Variants in TOMM22 observed in about 807,000 individuals in gnomAD.
The protein encoded by TOMM22 is translocase of outer mitochondrial membrane 22.
A neutral mutation model predicts 17.1 loss-of-function variants in TOMM22; 3 were observed. The observed-to-expected ratio is 0.18, with a 90% confidence interval of 0.08 to 0.45. The LOEUF (loss-of-function observed/expected upper bound fraction) is 0.45. TOMM22 is among the 20% of genes least tolerant of loss of function. The pLI, the probability that TOMM22 is intolerant of heterozygous loss-of-function variation, is 0.99. For synonymous variants in TOMM22, 91 were observed against 74.0 expected (o/e 1.23, Z -1.18); for missense variants, 159 against 179.5 (o/e 0.89, Z 0.65).
intron 1 of TOMM22, 41 bp downstream of exon 1, chr22:38,682,136 G>A: frequency 6.5e-7 from 1 of 1,541,364 alleles, no homozygotes; most frequent in Non-Finnish European, 8.8e-7. Context: ...AAGCGGGCCC[G>A]CTCGTGGGTG....
In TOMM22 at chr22:38,683,812, G is replaced by C. The variant is rs141756780; in HGVS notation, c.400G>C (p.Ala134Pro). ...AGGGCTCTCAGGAGGAATGCCAGGG[G>C]CTCTACCCTCACTTCCTGGAAAGAT... ...NTGLSGGMPG[A>P]LPSLPGKI The change falls in exon 4 of 4, where the codon GCT becomes CCT. Residue 134 changes from alanine (A) to proline (P), a missense_variant. Ala to Pro is a conservative substitution (Grantham distance 27, BLOSUM62 -1). This residue lies in a region of TOMM22 where 33 missense variants were observed against 34.7 expected (regional missense o/e 0.95). Coordinates refer to ENST00000216034, the MANE Select transcript of TOMM22 (RefSeq NM_020243.5). 2.5e-6 allele frequency: 4 copies of C among 1,613,892 alleles called. No homozygotes were observed. The highest frequency in any genetic ancestry group is 3.4e-6 in the Non-Finnish European group (4 of 1,179,996).
At chr22:38,683,141 T>TGGG in intron 3 of TOMM22, 145 bp downstream of exon 3, 6 of 21,858 alleles carry the variant, frequency 2.7e-4, no homozygotes, top group Admixed American at 5.7e-4. Context: ...TGGCCGGGGG[T>TGGG]CGGGGGGGGG....
chr22:38,682,984 G>C lies in TOMM22; in HGVS notation c.342G>C (p.Leu114=), dbSNP rs1218746808. ...EKLQMEQQQQ[L]QQRQILLGPN... Reference sequence around the variant, plus strand: ...TGCAAATGGAGCAACAGCAGCAACTGCAGCAGCGGCAGGTGAGCCCAGACC... The same window carrying C: ...TGCAAATGGAGCAACAGCAGCAACTCCAGCAGCGGCAGGTGAGCCCAGACC... The change falls in exon 3 of 4, where the codon CTG becomes CTC. Residue 114 remains leucine, a synonymous_variant. Coordinates refer to ENST00000216034, the MANE Select transcript of TOMM22 (RefSeq NM_020243.5). 6.2e-7 allele frequency: 1 copy of C among 1,613,568 alleles called. No homozygotes were observed. The highest frequency in any genetic ancestry group is 1.7e-5 in the Admixed American group (1 of 59,976).
At chr22:38,683,058 T>G (rs1045216910) in intron 3 of TOMM22, 62 bp downstream of exon 3, 87 of 1,236,914 alleles carry the variant, frequency 7.0e-5, no homozygotes, top group Non-Finnish European at 9.4e-5. Flanking sequence ...ACTAACACAT[T>G]GGTCCCCAAC....
In TOMM22 at chr22:38,682,990, G is replaced by C; in HGVS notation, c.348G>C (p.Gln116His). 1 of 1,613,672 alleles carries C rather than the reference G, an allele frequency of 6.2e-7. No individual in the cohort carries two copies. The highest frequency in any genetic ancestry group is 8.5e-7 in the Non-Finnish European group (1 of 1,179,710). Residue 116 changes from glutamine to histidine, a missense_variant, in exon 3 of 4, where the codon CAG (glutamine) becomes CAC (histidine). Around this residue, in one of 3 missense-constraint regions of TOMM22, gnomAD observed 33 missense variants for 34.7 expected, o/e 0.95. Coordinates refer to ENST00000216034, the MANE Select transcript of TOMM22 (RefSeq NM_020243.5). ...LQMEQQQQLQ[Q>H]RQILLGPNTG... is the part of the protein sequence containing the mutation. ...TGGAGCAACAGCAGCAACTGCAGCA[G>C]CGGCAGGTGAGCCCAGACCTTGGGC...
chr22:38,684,176 A>T lies in TOMM22; in HGVS notation c.*335A>T. 39 of 245,104 alleles carry T rather than the reference A, an allele frequency of 1.6e-4. No individual in the cohort carries two copies. Among genetic ancestry groups the T allele is most frequent in the Middle Eastern group, 1.4e-3 (1 of 694 alleles). The allele number at this position is 245,104 out of a possible 1,614,324, so 15.2% of individuals were successfully genotyped here. ...GTAGGAACCGATGCCAGTGGGAGGGATGTGCCCCTGACCATTAACGACTGT... is the reference window on the plus strand; with the variant it reads ...GTAGGAACCGATGCCAGTGGGAGGGTTGTGCCCCTGACCATTAACGACTGT... On this transcript the variant is annotated 3_prime_UTR_variant, in exon 4 of 4. Transcript: ENST00000216034.
Position 38,683,994 on chromosome 22 carries a change from A to C in TOMM22, c.*153A>C, listed in dbSNP as rs2092487950. On this transcript the variant is annotated 3_prime_UTR_variant, in exon 4 of 4. Coordinates refer to ENST00000216034, the MANE Select transcript of TOMM22 (RefSeq NM_020243.5). Reference sequence around the variant, plus strand: ...AATTATCCCCACATTGTCTCATGGAAAGACTCAACTTGCAACTGTGCCCTC... The same window carrying C: ...AATTATCCCCACATTGTCTCATGGACAGACTCAACTTGCAACTGTGCCCTC... The C allele has an allele frequency of 1.1e-5, 7 of 646,768 alleles. No homozygotes were observed. In the South Asian group the frequency reaches 1.2e-4, roughly 11 times the overall value. The allele number at this position is 646,768 out of a possible 1,614,324, so 40.1% of individuals were successfully genotyped here. A position where few individuals can be genotyped will look rare whatever the true frequency, so the allele number is the denominator to read the frequency against.
chr22:38,683,411 G>A (rs1051691857), intron 3 of TOMM22, among the ~76,000 whole-genome samples: 3 of 152,136 alleles, frequency 2.0e-5, no homozygotes, highest in Admixed American at 1.3e-4. Flanking sequence ...ATCTAACACT[G>A]CTGCTGATCT....
intron 1 of TOMM22, 85 bp downstream of exon 1, chr22:38,682,180 G>A (rs962509493): frequency 3.7e-5 from 55 of 1,504,870 alleles, no homozygotes; most frequent in Non-Finnish European, 4.5e-5. Context: ...GGAGCGAAGC[G>A]GCTGCTTTGG....
intron 3 of TOMM22, among the ~76,000 whole-genome samples, chr22:38,683,363 C>T (rs751083239): frequency 1.3e-5 from 2 of 152,154 alleles, no homozygotes; most frequent in Non-Finnish European, 2.9e-5. Context: ...CTAGATCCCT[C>T]GCATGCACTG....
In TOMM22 at chr22:38,682,852, T is replaced by C. The variant is rs750289205; in HGVS notation, c.237-27T>C. On this transcript the variant is annotated intron_variant, in intron 2 of 3. Transcript: ENST00000216034. The stretch of plus-strand genomic sequence containing the variant: ...CTGTTTTGTTTGCATGTCTTCATGC[T>C]CACCCTCTGGGGATTTTCCTCTGCA... 1.9e-6 allele frequency: 3 copies of C among 1,603,220 alleles called. No homozygotes were observed. The East Asian group carries it at 6.7e-5, about 36-fold the overall frequency.
chr22:38,682,023 C>T lies in TOMM22; in HGVS notation c.45C>T (p.Ser15=), dbSNP rs1569259468. The T allele has an allele frequency of 3.1e-6, 5 of 1,610,870 alleles. No individual in the cohort carries two copies. The East Asian group carries it at 6.7e-5, about 22-fold the overall frequency. The part of the protein sequence containing the change: ...VAAAGAGEPQ[S]PDELLPKGDA... ...CTGCCGGTGCAGGGGAACCCCAGTC[C>T]CCGGACGAATTGCTCCCGAAAGGCG... Residue 15 remains serine (S), a synonymous_variant, in exon 1 of 4, where the codon TCC becomes TCT. Transcript: ENST00000216034.
In TOMM22 at chr22:38,682,555, C is replaced by G. The variant is rs545853676; in HGVS notation, c.236+114C>G. On this transcript the variant is annotated intron_variant, in intron 2 of 3. Coordinates refer to ENST00000216034, the MANE Select transcript of TOMM22 (RefSeq NM_020243.5). ...TGTTGGGTGACCTTGGGCTTGTACC[C>G]TATCCTTTCTTAGTTTCCTCTTCTG... 4.9e-4 allele frequency: 441 copies of G among 894,408 alleles called. 4 individuals carry two copies. The African/African-American group carries it at 6.8e-3, about 14-fold the overall frequency. 55.4% of individuals were successfully genotyped at this position (894,408 alleles called of 1,614,324 possible). A position where few individuals can be genotyped will look rare whatever the true frequency, so the allele number is the denominator to read the frequency against.
rs962337363 is a variant in TOMM22, at chr22:38,685,103, T to G, written c.*1262T>G. On this transcript the variant is annotated 3_prime_UTR_variant, in exon 4 of 4. Coordinates refer to ENST00000216034, the MANE Select transcript of TOMM22 (RefSeq NM_020243.5). The stretch of plus-strand genomic sequence containing the variant: ...CAGCCAGAGTAAGCCTTTTGTGTGT[T>G]TATCAGATCAACCAACACTACAATC... 6.6e-6 allele frequency: 1 copy of G among 152,146 alleles called. No homozygotes were observed. 9.4% of individuals were successfully genotyped at this position (152,146 alleles called of 1,614,324 possible).
At chr22:38,683,158 G>GA (rs1377941818) in intron 3 of TOMM22, among the ~76,000 whole-genome samples, 162 bp downstream of exon 3, 1 of 149,052 alleles carries the variant, frequency 6.7e-6, no homozygotes, top group East Asian at 2.0e-4. Flanking sequence ...GGGGGTTCTG[G>GA]ATGATTCAAG....
At position 38,682,415 on chromosome 22, in the gene TOMM22, C is replaced by T. The variant is rs372325702; in HGVS notation, c.210C>T (p.Ser70=). The change falls in exon 2 of 4, where the codon TCC becomes TCT. Residue 70 remains serine (S), a synonymous_variant. Coordinates refer to ENST00000216034, the MANE Select transcript of TOMM22 (RefSeq NM_020243.5). The part of the protein sequence containing the change: ...RSAAGATFDL[S]LFVAQKMYRF... ...CGGCCGGAGCCACTTTTGATCTTTC[C>T]CTCTTTGTGGCTCAGAAAATGTACA... 1.6e-4 allele frequency: 260 copies of T among 1,614,172 alleles called. No individual in the cohort carries two copies. Among genetic ancestry groups the T allele is most frequent in the Non-Finnish European group, 1.7e-4 (204 of 1,180,032 alleles).
rs896231411 is a variant in TOMM22, at chr22:38,682,426, C to T, written c.221C>T (p.Ala74Val). The change falls in exon 2 of 4, where the codon GCT (alanine) becomes GTT (valine). Residue 74 changes from alanine to valine, a missense_variant. Physicochemically the swap from Ala to Val is moderately conservative, Grantham distance 64. This residue lies in a region of TOMM22 where 107 missense variants were observed against 100.2 expected (regional missense o/e 1.07). Transcript: ENST00000216034. ...ACTTTTGATCTTTCCCTCTTTGTGG[C>T]TCAGAAAATGTACAGGTAAGGAACG... ...GATFDLSLFV[A>V]QKMYRFSRAA... The T allele has an allele frequency of 8.1e-6, 13 of 1,614,106 alleles. No individual in the cohort carries two copies. The highest frequency in any genetic ancestry group is 1.1e-5 in the Non-Finnish European group (13 of 1,180,010).
rs1186621658 is a variant in TOMM22, at chr22:38,682,447, G to C, written c.236+6G>C. On this transcript the variant is annotated splice_donor_region_variant and intron_variant, in intron 2 of 3. Coordinates refer to ENST00000216034, the MANE Select transcript of TOMM22 (RefSeq NM_020243.5). ...GTGGCTCAGAAAATGTACAGGTAAG[G>C]AACGAGGGCAAAGGCACTGGGTACG... The C allele has an allele frequency of 6.2e-7, 1 of 1,613,360 alleles. No homozygotes were observed. Among genetic ancestry groups the C allele is most frequent in the Non-Finnish European group, 8.5e-7 (1 of 1,179,474 alleles).
chr22:38,682,774 C>A, intron 2 of TOMM22, 105 bp from the exon 3 acceptor site: 1 of 981,164 alleles, frequency 1.0e-6, no homozygotes, highest in Non-Finnish European at 1.6e-6. Context: ...ATACGTTTAT[C>A]AAAAACATTG....
Sources: gnomAD v4.1 joint callset for allele counts (sites outside exome capture counted in the v4.1 genomes callset) on GRCh38, gnomAD v4.1.1 for gene constraint, gnomAD v4.1.1 regional missense constraint, MANE v1.5 for transcripts, NCBI Gene and HGNC (gene_info 2026-07-23, HGNC 2026-07-21) for gene names.